Variants in LRP1B observed in about 807,000 individuals in gnomAD.
LRP1B encodes the protein low-density lipoprotein receptor-related protein 1B.
A neutral mutation model predicts 556.6 loss-of-function variants in LRP1B; 217 were observed. The observed-to-expected ratio is 0.39, with a 90% confidence interval of 0.35 to 0.44. LRP1B has a LOEUF of 0.44. LRP1B is among the 20% of genes least tolerant of loss of function. The pLI is 1.00. For missense variants in LRP1B, 5,053 were observed against 5,620.8 expected (o/e 0.90, Z 3.23); for synonymous variants, 2,047 against 1,865.8 (o/e 1.10, Z -2.50).
At chr2:140,683,910 C>G (rs1685953916) in intron 41 of LRP1B, 1 of 473,472 alleles carries the variant, frequency 2.1e-6, no homozygotes, top group African/African-American at 2.0e-5. Context: ...CCGGGCTGCC[C>G]GCGGCTTGCC....
At chr2:142,018,512 T>C (rs1703224819) in intron 1 of LRP1B, among the ~76,000 whole-genome samples, 1 of 152,168 alleles carries the variant, frequency 6.6e-6, no homozygotes, top group Admixed American at 6.5e-5. Context: ...TTATAAAATT[T>C]ACTTTGCTTT....
chr2:141,035,007 C>T (rs1698489244), intron 11 of LRP1B, among the ~76,000 whole-genome samples: 1 of 151,950 alleles, frequency 6.6e-6, no homozygotes, highest in Non-Finnish European at 1.5e-5. Flanking sequence ...CACATATATG[C>T]CATGGAATAC....
chr2:141,009,645 C>T (rs1054667864), intron 14 of LRP1B, among the ~76,000 whole-genome samples: 2 of 151,910 alleles, frequency 1.3e-5, no homozygotes, highest in African/African-American at 4.8e-5. Flanking sequence ...ATATGTCATA[C>T]ATTAAATAAA....
rs146485700 is a variant in LRP1B at position 142,126,048 on chromosome 2, T to C, written c.82+4600A>G. The stretch of plus-strand genomic sequence containing the variant: ...TTAATTCATAATGGAACTCAGTCTT[T>C]GGCTTTATTTTCTTTAGCATTCTGC... On this transcript the variant is annotated intron_variant, in intron 1 of 90. Coordinates refer to ENST00000389484, the MANE Select transcript of LRP1B (RefSeq NM_018557.3). Among the ~76,000 whole-genome samples, 943 of 151,992 alleles carry C rather than the reference T, an allele frequency of 6.2e-3. 13 individuals are homozygous for C. The highest frequency in any genetic ancestry group is 0.021 in the African/African-American group (876 of 41,544).
intron 2 of LRP1B, among the ~76,000 whole-genome samples, chr2:141,546,619 A>G (rs903007089): frequency 2.6e-5 from 4 of 152,192 alleles, no homozygotes; most frequent in Admixed American, 6.5e-5. Context: ...GGAATTACAT[A>G]TCATTTACCA....
chr2:141,104,088 A>G (rs1165769549), intron 7 of LRP1B, among the ~76,000 whole-genome samples: 1 of 152,034 alleles, frequency 6.6e-6, no homozygotes, highest in Non-Finnish European at 1.5e-5. Context: ...TGTTAAAAAT[A>G]GCTGCTTTTT....
intron 2 of LRP1B, among the ~76,000 whole-genome samples, chr2:141,661,767 A>T (rs1264885095): frequency 6.6e-6 from 1 of 152,198 alleles, no homozygotes; most frequent in Admixed American, 6.5e-5. Flanking sequence ...TCAGGATATC[A>T]CCCAGGAGAT....
intron 2 of LRP1B, among the ~76,000 whole-genome samples, chr2:141,545,223 C>T (rs1300008623): frequency 6.6e-6 from 1 of 152,152 alleles, no homozygotes; most frequent in African/African-American, 2.4e-5. Flanking sequence ...GGCAGTCTTC[C>T]TATAGCCCAT....
At chr2:142,108,454 T>C (rs1706838380) in intron 1 of LRP1B, among the ~76,000 whole-genome samples, 1 of 152,214 alleles carries the variant, frequency 6.6e-6, no homozygotes, top group Admixed American at 6.5e-5. Context: ...AAGGCATAGG[T>C]TGTCAATGTT....
chr2:140,323,823 ATATAT>A lies in LRP1B; in HGVS notation c.12514+65_12514+69del, dbSNP rs959605990. On this transcript the variant is annotated intron_variant, in intron 81 of 90. Coordinates refer to ENST00000389484, the MANE Select transcript of LRP1B (RefSeq NM_018557.3). ...ATTTACATAGTTAAGATATTTAAAA[ATATAT>A]TATTTTGAGAGATACAAGAAAATAA... 2.6e-5 allele frequency: 20 copies of A among 783,914 alleles called. No homozygotes were observed. In the African/African-American group the frequency reaches 3.2e-4, roughly 13 times the overall value. 48.6% of individuals were successfully genotyped at this position (783,914 alleles called of 1,614,324 possible). A position where few individuals can be genotyped will look rare whatever the true frequency, so the allele number is the denominator to read the frequency against.
intron 7 of LRP1B, among the ~76,000 whole-genome samples, chr2:141,073,798 C>T (rs1312630147): frequency 6.6e-6 from 1 of 152,024 alleles, no homozygotes; most frequent in African/African-American, 2.4e-5. Context: ...TCCTCTATGT[C>T]CAACTTATCA....
intron 29 of LRP1B, among the ~76,000 whole-genome samples, chr2:140,848,533 T>A (rs1371760353): frequency 2.6e-5 from 4 of 152,018 alleles, no homozygotes; most frequent in African/African-American, 9.7e-5. Context: ...GGATAGTGAA[T>A]AAAATCTACA....
intron 57 of LRP1B, among the ~76,000 whole-genome samples, chr2:140,490,389 G>C (rs1269674123): frequency 1.3e-5 from 2 of 152,052 alleles, no homozygotes; most frequent in Non-Finnish European, 2.9e-5. Flanking sequence ...TAGAGGGCAA[G>C]AAAAAGCTCC....
chr2:141,527,967 A>G (rs958823664), intron 2 of LRP1B, among the ~76,000 whole-genome samples: 12 of 151,888 alleles, frequency 7.9e-5, no homozygotes, highest in African/African-American at 2.9e-4. Flanking sequence ...TTTATGATAA[A>G]CTCAGAGGCT....
chr2:140,441,986 A>G (rs1340749302), intron 66 of LRP1B, among the ~76,000 whole-genome samples: 2 of 152,228 alleles, frequency 1.3e-5, no homozygotes, highest in Admixed American at 6.5e-5. Flanking sequence ...ATTTTAAGTG[A>G]AAATATTAAT....
At chr2:140,431,582 T>C (rs530273889) in intron 66 of LRP1B, among the ~76,000 whole-genome samples, 50 of 152,330 alleles carry the variant, frequency 3.3e-4, no homozygotes, top group African/African-American at 1.2e-3. Flanking sequence ...CTCTTAACTC[T>C]TAAAGTAAAT....
At chr2:140,856,203 T>G (rs1189101749) in intron 27 of LRP1B, among the ~76,000 whole-genome samples, 1 of 152,142 alleles carries the variant, frequency 6.6e-6, no homozygotes, top group African/African-American at 2.4e-5. Flanking sequence ...TCTATATTCT[T>G]TTCCACCTCC....
At chr2:140,315,194 T>C in intron 82 of LRP1B, 95 bp from the exon 83 acceptor site, 1 of 799,454 alleles carries the variant, frequency 1.3e-6, no homozygotes, top group Non-Finnish European at 1.8e-6. Context: ...ACTAGGATCT[T>C]GTGTTTCCAT....
intron 35 of LRP1B, among the ~76,000 whole-genome samples, chr2:140,742,499 C>T (rs1407699679): frequency 6.6e-6 from 1 of 152,124 alleles, no homozygotes; most frequent in Non-Finnish European, 1.5e-5. Flanking sequence ...TTCAATAAAA[C>T]AGACGACGAG....
Sources: allele counts gnomAD v4.1 joint callset (sites outside exome capture counted in the v4.1 genomes callset), GRCh38; gene constraint gnomAD v4.1.1; transcripts MANE v1.5; gene names NCBI Gene and HGNC (gene_info 2026-07-23, HGNC 2026-07-21).